CNTN3: variants seen among roughly 807,000 people sequenced by gnomAD.
CNTN3 encodes the protein contactin 3, also known as contactin-3.
Under a neutral mutation model 119.1 loss-of-function variants are expected in CNTN3, and 60 were observed. That is an observed-to-expected ratio of 0.50 (90% CI 0.41 to 0.62). The LOEUF (loss-of-function observed/expected upper bound fraction) is 0.62. Ranked by LOEUF, CNTN3 falls within the 20% of genes least tolerant of loss-of-function variation. CNTN3 has a pLI of 0.00. For synonymous variants in CNTN3, 450 were observed against 438.7 expected, an observed-to-expected ratio of 1.03 and a Z score of -0.32; for missense variants, 1,101 against 1,242.4, an observed-to-expected ratio of 0.89 and a Z score of 1.71.
At chr3:74,443,735 C>T (rs1702003289) in intron 4 of CNTN3, among the ~76,000 whole-genome samples, 1 of 152,026 alleles carries the variant, frequency 6.6e-6, no homozygotes, top group African/African-American at 2.4e-5. Flanking sequence ...TGTTGTTTCC[C>T]CTAGGAGGTC....
At chr3:74,371,480 C>T in intron 5 of CNTN3, 81 bp from the exon 6 acceptor site, 6 of 1,029,308 alleles carry the variant, frequency 5.8e-6, no homozygotes, top group Non-Finnish European at 8.8e-6. Flanking sequence ...TCTATACAAA[C>T]ATCAACTTTA....
chr3:74,443,720 T>G (rs1420355941), intron 4 of CNTN3, among the ~76,000 whole-genome samples: 2 of 152,160 alleles, frequency 1.3e-5, no homozygotes, highest in East Asian at 3.9e-4. Context: ...AAGTCTCAAC[T>G]TAGGTGTTGT....
At position 74,267,260 on chromosome 3, in the gene CNTN3, A is replaced by G. The variant is rs1260136314; in HGVS notation, c.2817+6T>C. 1.9e-6 allele frequency: 3 copies of G among 1,590,938 alleles called. No homozygotes were observed. The African/African-American group carries it at 4.0e-5, about 21-fold the overall frequency. On this transcript the variant is annotated splice_donor_region_variant and intron_variant, in intron 21 of 22. Transcript: ENST00000263665. ...AAAATGAAGCATTGCAAATGAGAAA[A>G]CTTACTTTATATCCTGTTACTTCTG...
chr3:74,488,636 C>T (rs1702904420), intron 3 of CNTN3, among the ~76,000 whole-genome samples: 1 of 152,112 alleles, frequency 6.6e-6, no homozygotes, highest in Non-Finnish European at 1.5e-5. Context: ...ATCCTTACTG[C>T]TCAAAGTTTA....
chr3:74,327,981 A>G (rs1295742405), intron 13 of CNTN3, among the ~76,000 whole-genome samples: 1 of 151,588 alleles, frequency 6.6e-6, no homozygotes, highest in Non-Finnish European at 1.5e-5. Context: ...TCTGTAGATT[A>G]TCAATTGCTT....
chr3:74,492,607 G>T (rs1702984798), intron 3 of CNTN3, among the ~76,000 whole-genome samples: 1 of 152,144 alleles, frequency 6.6e-6, no homozygotes, highest in African/African-American at 2.4e-5. Flanking sequence ...TGACATAGGA[G>T]TTATTTCAAA....
intron 11 of CNTN3, among the ~76,000 whole-genome samples, chr3:74,337,138 A>G (rs1000412246): frequency 2.0e-5 from 3 of 152,106 alleles, no homozygotes; most frequent in Non-Finnish European, 2.9e-5. Flanking sequence ...CATCGCCCCA[A>G]TAAAAACTGT....
chr3:74,591,783 T>G (rs1192984070), intron 1 of CNTN3, among the ~76,000 whole-genome samples: 1 of 151,476 alleles, frequency 6.6e-6, no homozygotes, highest in Non-Finnish European at 1.5e-5. Context: ...AAAGGATGAG[T>G]TCAGGTTCAG....
intron 1 of CNTN3, among the ~76,000 whole-genome samples, chr3:74,525,326 C>T (rs1455853816): frequency 6.6e-6 from 1 of 151,814 alleles, no homozygotes; most frequent in Non-Finnish European, 1.5e-5. Context: ...AAAGAGATGT[C>T]ATTCAGGAAG....
At chr3:74,442,366 T>C (rs1215475863) in intron 4 of CNTN3, among the ~76,000 whole-genome samples, 5 of 152,286 alleles carry the variant, frequency 3.3e-5, no homozygotes, top group African/African-American at 9.6e-5. Context: ...CTGCTGCCGA[T>C]AACACCCTTC....
intron 5 of CNTN3, among the ~76,000 whole-genome samples, chr3:74,405,468 C>A (rs1010218103): frequency 6.6e-6 from 1 of 151,994 alleles, no homozygotes; most frequent in Admixed American, 6.6e-5. Context: ...ATTCATAGGG[C>A]AAGTTCCCAT....
chr3:74,495,899 T>C (rs1188096961), intron 3 of CNTN3, among the ~76,000 whole-genome samples: 1 of 152,076 alleles, frequency 6.6e-6, no homozygotes, highest in East Asian at 1.9e-4. Flanking sequence ...AATAACGTTC[T>C]GTTTACTTCC....
chr3:74,507,673 G>T (rs771911773), intron 2 of CNTN3, among the ~76,000 whole-genome samples: 1 of 127,130 alleles, frequency 7.9e-6, no homozygotes, highest in Admixed American at 9.4e-5. Flanking sequence ...GTTCTGTCAC[G>T]CAGGCTGCAG....
rs1205895100 is a variant in CNTN3 at position 74,344,396 on chromosome 3, GGTTTTTTTTTTTTTTTTTTTTTT to G, written c.1365-7761_1365-7739del. Among the ~76,000 whole-genome samples, 119 of 87,832 alleles carry G rather than the reference GGTTTTTTTTTTTTTTTTTTTTTT, an allele frequency of 1.4e-3. 23 individuals are homozygous for G. Among genetic ancestry groups the G allele is most frequent in the Middle Eastern group, 0.012 (2 of 168 alleles). 57.6% of individuals were successfully genotyped at this position (87,832 alleles called of 152,430 possible). On this transcript the variant is annotated intron_variant, in intron 11 of 22. Coordinates refer to ENST00000263665, the MANE Select transcript of CNTN3 (RefSeq NM_020872.3). ...TAGTTCATTTACAACCTTACACAGT[GGTTTTTTTTTTTTTTTTTTTTTT>G]TTTTTTTTTTTTTTTTTTTTTTTTG...
intron 4 of CNTN3, among the ~76,000 whole-genome samples, chr3:74,435,039 G>A (rs1048457714): frequency 2.0e-5 from 3 of 152,068 alleles, no homozygotes; most frequent in African/African-American, 7.2e-5. Context: ...CCCACAACCA[G>A]TTTGGCTCTT....
In CNTN3 at chr3:74,266,283, A is replaced by G. The variant is rs112707594; in HGVS notation, c.2986+198T>C. On this transcript the variant is annotated intron_variant, in intron 22 of 22. Coordinates refer to ENST00000263665, the MANE Select transcript of CNTN3 (RefSeq NM_020872.3). ...ATATTTTTTGACATCTTTTCTTCAC[A>G]CCCTCATACTTTTCTCCCTATTTTG... Among the ~76,000 whole-genome samples the G allele has an allele frequency of 4.5e-3, 679 of 152,186 alleles. 5 individuals carry two copies. Among genetic ancestry groups the G allele is most frequent in the African/African-American group, 0.015 (606 of 41,524 alleles).
chr3:74,550,552 T>C (rs1183442649), intron 1 of CNTN3, among the ~76,000 whole-genome samples: 1 of 152,134 alleles, frequency 6.6e-6, no homozygotes, highest in African/African-American at 2.4e-5. Flanking sequence ...ATTATTATTA[T>C]TATTTGAGAC....
At chr3:74,536,244 C>G (rs919501668) in intron 1 of CNTN3, among the ~76,000 whole-genome samples, 2 of 152,104 alleles carry the variant, frequency 1.3e-5, no homozygotes, top group African/African-American at 4.8e-5. Flanking sequence ...GATTGGAGAT[C>G]TCCTTAGCCC....
At position 74,295,199 on chromosome 3, in the gene CNTN3, G is replaced by A. The variant is rs1702314105; in HGVS notation, c.2439C>T (p.Ser813=). The A allele has an allele frequency of 1.2e-6, 2 of 1,613,056 alleles. No individual in the cohort carries two copies. The highest frequency in any genetic ancestry group is 4.5e-5 in the East Asian group (2 of 44,850). ...TVAPSQVSAN[S]LSSSEIEVSW... is the part of the protein sequence containing the mutation. ...AAACCTCAATTTCTGAGGAAGATAG[G>A]CTATTTGCAGAGACTTGAGATGGGG... The change falls in exon 19 of 23, where the codon AGC becomes AGT. Residue 813 remains serine, a synonymous_variant. Coordinates refer to ENST00000263665, the MANE Select transcript of CNTN3 (RefSeq NM_020872.3).
Sources: allele counts gnomAD v4.1 joint callset (sites outside exome capture counted in the v4.1 genomes callset), GRCh38; gene constraint gnomAD v4.1.1; transcripts MANE v1.5; gene names NCBI Gene and HGNC (gene_info 2026-07-23, HGNC 2026-07-21).